Variants in RAB38 observed in about 807,000 individuals in gnomAD.
RAB38 encodes the protein RAB38, member RAS oncogene family, also known as ras-related protein Rab-38.
A neutral mutation model predicts 18.4 loss-of-function variants in RAB38; 15 were observed. The ratio of observed to expected loss-of-function variants is 0.82; its 90% CI spans 0.55 to 1.26. The LOEUF is 1.26. RAB38 is among the 50% of genes most tolerant of loss of function. The pLI, the probability that RAB38 is intolerant of heterozygous loss-of-function variation, is 0.00. For synonymous variants in RAB38, 101 were observed against 104.4 expected, an observed-to-expected ratio of 0.97 and a Z score of 0.20; for missense variants, 294 against 267.4, an observed-to-expected ratio of 1.10 and a Z score of -0.69.
chr11:87,918,455 A>G, the RAB38 span, among the ~76,000 whole-genome samples: 1 of 152,162 alleles, frequency 6.6e-6, no homozygotes, highest in Non-Finnish European at 1.5e-5. Flanking sequence ...AGGAACTTCC[A>G]AACTGTTTCC....
the RAB38 span, among the ~76,000 whole-genome samples, chr11:87,897,194 G>T: frequency 6.6e-6 from 1 of 151,544 alleles, no homozygotes; most frequent in Non-Finnish European, 1.5e-5. Flanking sequence ...ATGAAAATCT[G>T]CATCCTTCCT....
At chr11:87,970,204 A>G in the RAB38 span, among the ~76,000 whole-genome samples, 1 of 152,068 alleles carries the variant, frequency 6.6e-6, no homozygotes, top group Admixed American at 6.6e-5. Context: ...AGTAATCTAG[A>G]AAATAATACT....
chr11:88,173,090 T>G (rs190306669), intron 1 of RAB38, among the ~76,000 whole-genome samples: 25 of 152,316 alleles, frequency 1.6e-4, no homozygotes, highest in African/African-American at 5.5e-4. Context: ...CTTTCGAGCT[T>G]GGGAGTTAAA....
chr11:88,175,079 G>T, intron 1 of RAB38, 104 bp downstream of exon 1: 1 of 1,307,728 alleles, frequency 7.6e-7, no homozygotes, highest in Non-Finnish European at 1.0e-6. Context: ...ACTGCCTCGC[G>T]ACCTAGTGAT....
At chr11:88,026,128 C>G in the RAB38 span, among the ~76,000 whole-genome samples, 71 of 151,928 alleles carry the variant, frequency 4.7e-4, no homozygotes, top group Non-Finnish European at 8.7e-4. Flanking sequence ...CCACGTCTGG[C>G]TAATTTTTGT....
the RAB38 span, among the ~76,000 whole-genome samples, chr11:88,018,958 T>TA: frequency 6.6e-6 from 1 of 151,784 alleles, no homozygotes; most frequent in Non-Finnish European, 1.5e-5. Flanking sequence ...TTAAAACAAT[T>TA]TTTTTTATTT....
At chr11:88,073,518 C>T in the RAB38 span, among the ~76,000 whole-genome samples, 1 of 152,114 alleles carries the variant, frequency 6.6e-6, no homozygotes, top group Non-Finnish European at 1.5e-5. Flanking sequence ...AGAAAATCAA[C>T]AGGTAAATTA....
chr11:88,125,698 G>A (rs1478014881), intron 2 of RAB38, among the ~76,000 whole-genome samples: 1 of 152,172 alleles, frequency 6.6e-6, no homozygotes, highest in Non-Finnish European at 1.5e-5. Flanking sequence ...TTCTTTTGCT[G>A]TGCAGAAGCT....
chr11:87,918,128 GTGAGATCATGTGGTACT>G, the RAB38 span: 1 of 151,668 alleles, frequency 6.6e-6, no homozygotes, highest in Admixed American at 6.6e-5. Flanking sequence ...CCGTATATAA[GTGAGATCATGTGGTACT>G]TTTCTTTTTA....
the RAB38 span, among the ~76,000 whole-genome samples, chr11:88,071,243 G>GACAT: frequency 6.7e-6 from 1 of 148,418 alleles, no homozygotes; most frequent in Non-Finnish European, 1.5e-5. Context: ...ACTGGGGGAG[G>GACAT]ACACACACAC....
chr11:87,946,016 G>T, the RAB38 span, among the ~76,000 whole-genome samples: 1 of 152,146 alleles, frequency 6.6e-6, no homozygotes, highest in Admixed American at 6.6e-5. Flanking sequence ...GAGGCCCAGA[G>T]AAAGTAAATA....
At chr11:87,862,530 G>GA in the RAB38 span, among the ~76,000 whole-genome samples, 19 of 151,980 alleles carry the variant, frequency 1.3e-4, no homozygotes, top group African/African-American at 4.1e-4. Context: ...TGGGAGGAGG[G>GA]AGAGGATCAG....
the RAB38 span, among the ~76,000 whole-genome samples, chr11:87,804,809 C>A: frequency 6.6e-6 from 1 of 152,114 alleles, no homozygotes; most frequent in African/African-American, 2.4e-5. Context: ...TTTCTGTTTA[C>A]ATGATAAAAA....
At chr11:87,947,317 A>C in the RAB38 span, among the ~76,000 whole-genome samples, 1 of 151,538 alleles carries the variant, frequency 6.6e-6, no homozygotes, top group Non-Finnish European at 1.5e-5. Context: ...GGTTGCAAAA[A>C]TTTTCTCCCA....
At chr11:87,927,971 G>C in the RAB38 span, among the ~76,000 whole-genome samples, 5 of 151,818 alleles carry the variant, frequency 3.3e-5, no homozygotes, top group African/African-American at 1.2e-4. Flanking sequence ...TCAGGTACTC[G>C]GGAGGCTGAG....
the RAB38 span, among the ~76,000 whole-genome samples, chr11:87,897,018 C>T: frequency 6.6e-6 from 1 of 151,548 alleles, no homozygotes; most frequent in Non-Finnish European, 1.5e-5. Context: ...ATCTTTTTGC[C>T]TTTTAAGTGT....
the RAB38 span, among the ~76,000 whole-genome samples, chr11:88,023,944 G>C: frequency 6.6e-6 from 1 of 152,080 alleles, no homozygotes; most frequent in African/African-American, 2.4e-5. Context: ...TGAAACTTCT[G>C]TGAGAAAACA....
At chr11:87,851,941 G>C in the RAB38 span, among the ~76,000 whole-genome samples, 6 of 152,094 alleles carry the variant, frequency 3.9e-5, no homozygotes, top group East Asian at 1.2e-3. Flanking sequence ...TCTTAGATGA[G>C]ACAGGAAACT....
intron 2 of RAB38, among the ~76,000 whole-genome samples, chr11:88,129,124 C>A (rs982522161): frequency 6.6e-6 from 1 of 152,114 alleles, no homozygotes; most frequent in African/African-American, 2.4e-5. Context: ...CGTAAACTTA[C>A]ACATTACCCA....
Sources: gnomAD v4.1 joint callset for allele counts (sites outside exome capture counted in the v4.1 genomes callset) on GRCh38, gnomAD v4.1.1 for gene constraint, MANE v1.5 for transcripts, NCBI Gene and HGNC (gene_info 2026-07-23, HGNC 2026-07-21) for gene names.